The following FMN2 variants were observed in gnomAD, a reference collection of about 807,000 sequenced individuals.
FMN2 encodes formin 2.
FMN2 carries 51 observed loss-of-function variants against 142.3 expected under a neutral mutation model. The observed-to-expected ratio is 0.36, with a 90% CI of 0.29 to 0.45. The LOEUF is 0.45. Ranked by LOEUF, FMN2 falls within the 20% of genes least tolerant of loss-of-function variation. The pLI is 1.00. For synonymous variants in FMN2, 882 were observed against 869.8 expected (o/e 1.01, Z -0.25); for missense variants, 1,936 against 2,122.8 (o/e 0.91, Z 1.73).
chr1:240,185,115 C>A (rs866327970), intron 3 of FMN2, among the ~76,000 whole-genome samples: 29 of 133,184 alleles, frequency 2.2e-4, no homozygotes, highest in East Asian at 2.4e-4. Flanking sequence ...CCCTCCTATA[C>A]CTTCCCCCTT....
intron 6 of FMN2, among the ~76,000 whole-genome samples, chr1:240,246,687 A>G (rs993735873): frequency 6.6e-6 from 1 of 152,182 alleles, no homozygotes; most frequent in African/African-American, 2.4e-5. Context: ...TCAAGTACAC[A>G]TGAAGTTTGA....
intron 7 of FMN2, among the ~76,000 whole-genome samples, chr1:240,281,933 T>C (rs973201557): frequency 1.3e-5 from 2 of 152,220 alleles, no homozygotes; most frequent in Non-Finnish European, 2.9e-5. Context: ...GTGATTTGAA[T>C]ATACTGTCCT....
chr1:240,459,073 T>G (rs1676350308), intron 16 of FMN2: 1 of 152,152 alleles, frequency 6.6e-6, no homozygotes, highest in Admixed American at 6.5e-5. Flanking sequence ...ATTAGAAGCT[T>G]TAAAATCCTA....
At chr1:240,137,568 G>C (rs1387341717) in intron 2 of FMN2, among the ~76,000 whole-genome samples, 3 of 152,156 alleles carry the variant, frequency 2.0e-5, no homozygotes, top group Non-Finnish European at 4.4e-5. Context: ...CTCTTACCAT[G>C]TGTGCTCACC....
In FMN2 at chr1:240,143,716, C is replaced by T. The variant is rs550275969; in HGVS notation, c.1782+20371C>T. 2.9e-5 allele frequency: 46 copies of T among 1,572,924 alleles called. No homozygotes were observed. The East Asian group carries it at 4.5e-4, about 15-fold the overall frequency. On this transcript the variant is annotated intron_variant, in intron 2 of 17. Transcript: ENST00000319653. ...GAGACCCAGTCCAAGAGGAAGCCAA[C>T]GAGCATAAGAGTCCTTGAGCTCAGT...
chr1:240,366,842 C>A (rs577402158), intron 14 of FMN2, among the ~76,000 whole-genome samples: 5 of 152,142 alleles, frequency 3.3e-5, no homozygotes, highest in Non-Finnish European at 1.5e-5. Flanking sequence ...TGAGCCACCG[C>A]GCCCGGCCCT....
At chr1:240,190,335 G>T (rs888654720) in intron 4 of FMN2, among the ~76,000 whole-genome samples, 11 of 152,296 alleles carry the variant, frequency 7.2e-5, no homozygotes, top group African/African-American at 2.6e-4. Flanking sequence ...ACCCGACAAT[G>T]ACATCACTTA....
chr1:240,209,880 G>C lies in FMN2; in HGVS notation c.3920+1148G>C, dbSNP rs562902411. On this transcript the variant is annotated intron_variant, in intron 5 of 17. Transcript: ENST00000319653. ...GATCGCGCCACTGCACTCCAGCCTG[G>C]GCGACAGAGCGAGAGTCCGTCTCAA... Among the ~76,000 whole-genome samples, 13 of 152,004 alleles carry C rather than the reference G, an allele frequency of 8.6e-5. No homozygotes were observed. The South Asian group carries it at 1.9e-3, about 22-fold the overall frequency.
intron 15 of FMN2, among the ~76,000 whole-genome samples, chr1:240,421,175 G>C (rs1674749978): frequency 6.6e-6 from 1 of 152,096 alleles, no homozygotes; most frequent in Non-Finnish European, 1.5e-5. Context: ...CAAATGAAGT[G>C]ATTGGTTTCA....
chr1:240,312,009 TA>T (rs1390926256), intron 8 of FMN2, among the ~76,000 whole-genome samples: 1 of 152,210 alleles, frequency 6.6e-6, no homozygotes, highest in African/African-American at 2.4e-5. Context: ...TTTAATATGA[TA>T]TTTTTCTTTT....
intron 2 of FMN2, among the ~76,000 whole-genome samples, chr1:240,175,004 G>T (rs12098130): frequency 4.0e-5 from 6 of 151,840 alleles, no homozygotes; most frequent in East Asian, 3.9e-4. Context: ...TCTCCAATCC[G>T]GGCAACCACC....
chr1:240,311,939 C>T (rs1257133555), intron 8 of FMN2, among the ~76,000 whole-genome samples: 1 of 152,158 alleles, frequency 6.6e-6, no homozygotes, highest in Non-Finnish European at 1.5e-5. Context: ...GATCCTCTTG[C>T]CTCACCCTCT....
At chr1:240,222,208 T>C (rs183647283) in intron 6 of FMN2, among the ~76,000 whole-genome samples, 35 of 152,218 alleles carry the variant, frequency 2.3e-4, no homozygotes, top group Non-Finnish European at 8.8e-5. Flanking sequence ...TTTCTGCATA[T>C]GGCTGCCAGT....
At chr1:240,222,683 A>G (rs866098546) in intron 6 of FMN2, among the ~76,000 whole-genome samples, 1 of 152,100 alleles carries the variant, frequency 6.6e-6, no homozygotes, top group South Asian at 2.1e-4. Flanking sequence ...AGTGGTTTGC[A>G]GTTCTCCTTG....
intron 13 of FMN2, among the ~76,000 whole-genome samples, chr1:240,335,397 T>C (rs1306331046): frequency 6.6e-6 from 1 of 152,160 alleles, no homozygotes; most frequent in African/African-American, 2.4e-5. Flanking sequence ...TATAATATTG[T>C]GGTACTGTGT....
intron 1 of FMN2, among the ~76,000 whole-genome samples, chr1:240,109,395 A>G (rs779373358): frequency 6.6e-6 from 1 of 152,152 alleles, no homozygotes. Flanking sequence ...TAAAACCAGA[A>G]AGGTTACATG....
At chr1:240,362,154 C>T (rs778116686) in intron 14 of FMN2, among the ~76,000 whole-genome samples, 22 of 152,148 alleles carry the variant, frequency 1.4e-4, no homozygotes, top group Non-Finnish European at 2.4e-4. Context: ...GTGTGCACAG[C>T]TCTTATTGCG....
chr1:240,420,033 G>C (rs575779426), intron 15 of FMN2, among the ~76,000 whole-genome samples: 1 of 152,122 alleles, frequency 6.6e-6, no homozygotes, highest in African/African-American at 2.4e-5. Context: ...TGGTACCCGG[G>C]CTTCTGGTCA....
rs111967068 is a variant in FMN2, at chr1:240,260,526, T to C, written c.4153+2494T>C. On this transcript the variant is annotated intron_variant, in intron 7 of 17. Transcript: ENST00000319653. ...ATTAGTGATGCTGAGCATTTTTTCATGTTTGTTGGCCATTTGTATATCTTC... is the reference window on the plus strand; with the variant it reads ...ATTAGTGATGCTGAGCATTTTTTCACGTTTGTTGGCCATTTGTATATCTTC... Among the ~76,000 whole-genome samples the C allele has an allele frequency of 9.3e-4, 142 of 152,352 alleles. 1 individual carries two copies. Among genetic ancestry groups the C allele is most frequent in the African/African-American group, 3.2e-3 (135 of 41,582 alleles).
Sources: allele counts gnomAD v4.1 joint callset (sites outside exome capture counted in the v4.1 genomes callset), GRCh38; gene constraint gnomAD v4.1.1; transcripts MANE v1.5; gene names NCBI Gene and HGNC (gene_info 2026-07-23, HGNC 2026-07-21).